Variants in PIWIL2 observed in about 807,000 individuals in gnomAD.
The protein encoded by PIWIL2 is piwi-like protein 2.
Under a neutral mutation model 116.5 loss-of-function variants are expected in PIWIL2, and 81 were observed. The observed-to-expected ratio is 0.70, with a 90% CI of 0.58 to 0.84. The LOEUF is 0.84. PIWIL2 is among the 40% of genes least tolerant of loss of function. The pLI, the probability that PIWIL2 is intolerant of heterozygous loss-of-function variation, is 0.00. For missense variants in PIWIL2, 1,272 were observed against 1,212.3 expected (o/e 1.05, Z -0.73); for synonymous variants, 489 against 429.5 (o/e 1.14, Z -1.71).
At position 22,316,349 on chromosome 8, in the gene PIWIL2, A is replaced by T. The variant is rs773340102; in HGVS notation, c.2297+16A>T. ...GCATCAATCTGTAAGTACTGCTCACAGTGCCATCTTGTTTGATTATTTCAT... is the reference window on the plus strand; with the variant it reads ...GCATCAATCTGTAAGTACTGCTCACTGTGCCATCTTGTTTGATTATTTCAT... On this transcript the variant is annotated intron_variant, in intron 19 of 22. Coordinates refer to ENST00000356766, the MANE Select transcript of PIWIL2 (RefSeq NM_018068.5). 2 of 1,494,722 alleles carry T rather than the reference A, an allele frequency of 1.3e-6. No individual in the cohort carries two copies. The highest frequency in any genetic ancestry group is 4.5e-5 in the East Asian group (2 of 44,366). 92.6% of individuals were successfully genotyped at this position (1,494,722 alleles called of 1,614,324 possible). A position where few individuals can be genotyped will look rare whatever the true frequency, so the allele number is the denominator to read the frequency against.
intron 10 of PIWIL2, among the ~76,000 whole-genome samples, chr8:22,296,418 G>C (rs193041494): frequency 1.4e-4 from 21 of 152,160 alleles, no homozygotes; most frequent in Admixed American, 9.8e-4. Context: ...TTATTCCCTT[G>C]TTTTAGTGTA....
In PIWIL2 at chr8:22,353,070, G is replaced by A. The variant is rs1372158948; in HGVS notation, c.2515G>A (p.Ala839Thr). The change falls in exon 21 of 23, where the codon GCT (alanine) becomes ACT (threonine). Residue 839 changes from alanine to threonine, a missense_variant. Ala to Thr is a moderately conservative substitution (Grantham distance 58). Transcript: ENST00000356766. ...TCCTCAACTACAGAAGTGTTTTGAA[G>A]CTTTTGAGAATTATCAGCCCAAGAT... The part of the protein sequence containing the change: ...EIPQLQKCFE[A>T]FENYQPKMVV... 3 of 1,614,202 alleles carry A rather than the reference G, an allele frequency of 1.9e-6. No individual in the cohort carries two copies. Among genetic ancestry groups the A allele is most frequent in the Admixed American group, 3.3e-5 (2 of 60,016 alleles).
At chr8:22,289,986 C>A in intron 9 of PIWIL2, 59 bp downstream of exon 9, 1 of 1,121,432 alleles carries the variant, frequency 8.9e-7, no homozygotes, top group Non-Finnish European at 1.4e-6. Context: ...GTTTCCATTA[C>A]AACCATTGTA....
chr8:22,341,729 T>G (rs1374018107), intron 20 of PIWIL2, among the ~76,000 whole-genome samples: 4 of 152,108 alleles, frequency 2.6e-5, no homozygotes, highest in Non-Finnish European at 5.9e-5. Flanking sequence ...CTAAGATAGA[T>G]GCTATAAAGA....
intron 16 of PIWIL2, among the ~76,000 whole-genome samples, chr8:22,313,184 T>C (rs1831374078): frequency 6.6e-6 from 1 of 152,238 alleles, no homozygotes; most frequent in Admixed American, 6.5e-5. Flanking sequence ...GCGGCCTTGC[T>C]CTGTCTGTTC....
At chr8:22,321,829 T>C in intron 20 of PIWIL2, 1 of 982,376 alleles carries the variant, frequency 1.0e-6, no homozygotes, top group Non-Finnish European at 1.2e-6. Context: ...CCCATTTTTA[T>C]TAATATCTTC....
At chr8:22,277,563 G>T (rs888550448) in intron 1 of PIWIL2, among the ~76,000 whole-genome samples, 2 of 151,976 alleles carry the variant, frequency 1.3e-5, no homozygotes, top group African/African-American at 4.8e-5. Context: ...GTAGAGACAG[G>T]GTCTCGTTGT....
chr8:22,300,471 T>C (rs1398460879), intron 10 of PIWIL2, among the ~76,000 whole-genome samples: 3 of 152,234 alleles, frequency 2.0e-5, no homozygotes, highest in Non-Finnish European at 2.9e-5. Flanking sequence ...TAAATATTAG[T>C]GTACAAGTCT....
intron 20 of PIWIL2, among the ~76,000 whole-genome samples, chr8:22,342,247 T>A (rs1294920674): frequency 6.6e-6 from 1 of 152,222 alleles, no homozygotes; most frequent in East Asian, 1.9e-4. Context: ...CAAATTTGAT[T>A]GCTAGATTCA....
intron 20 of PIWIL2, among the ~76,000 whole-genome samples, chr8:22,328,776 T>C (rs1422051210): frequency 6.6e-6 from 1 of 151,664 alleles, no homozygotes; most frequent in Admixed American, 6.6e-5. Flanking sequence ...GTGTTGATCA[T>C]GTACCCTGTA....
chr8:22,287,588 C>T lies in PIWIL2; in HGVS notation c.804C>T (p.Thr268=), dbSNP rs763390065. The part of the protein sequence containing the change: ...FGMLKDHQAV[T]GNVTAFDGSI... ...TGTTGAAGGACCATCAAGCTGTCAC[C>T]GGCAACGTCACTGCGTTTGATGGAT... The change falls in exon 7 of 23, where the codon ACC becomes ACT. Residue 268 remains threonine, a synonymous_variant. Coordinates refer to ENST00000356766, the MANE Select transcript of PIWIL2 (RefSeq NM_018068.5). 1.5e-5 allele frequency: 25 copies of T among 1,613,748 alleles called. No homozygotes were observed. The highest frequency in any genetic ancestry group is 1.6e-4 in the Middle Eastern group (1 of 6,084).
chr8:22,288,327 G>T (rs890179952), intron 7 of PIWIL2, among the ~76,000 whole-genome samples: 2 of 148,318 alleles, frequency 1.3e-5, no homozygotes, highest in African/African-American at 2.4e-5. Flanking sequence ...AATTGCAAAT[G>T]TAAACTTGGT....
At chr8:22,330,733 TAAATAAATAAAA>T (rs1831839748) in intron 20 of PIWIL2, among the ~76,000 whole-genome samples, 7 of 137,928 alleles carry the variant, frequency 5.1e-5, no homozygotes, top group Admixed American at 4.8e-4. Context: ...AATAAATAAA[TAAATAAATAAAA>T]ATAGTTGATA....
chr8:22,283,932 C>T lies in PIWIL2; in HGVS notation c.633-230C>T, dbSNP rs988451198. The stretch of plus-strand genomic sequence containing the variant: ...GGGACTAGTTTATTTGGTAATGTTA[C>T]TAGGAAAGGTAGGGTGACCTTGCTT... On this transcript the variant is annotated intron_variant, in intron 5 of 22. Transcript: ENST00000356766. Among the ~76,000 whole-genome samples, 3 of 152,144 alleles carry T rather than the reference C, an allele frequency of 2.0e-5. 1 individual carries two copies. The highest frequency in any genetic ancestry group is 4.4e-5 in the Non-Finnish European group (3 of 68,014).
chr8:22,290,285 C>T lies in PIWIL2; in HGVS notation c.1120C>T (p.Leu374Phe). The change falls in exon 10 of 23, where the codon CTC (leucine) becomes TTC (phenylalanine). Residue 374 changes from leucine (L) to phenylalanine (F), a missense_variant. Physicochemically the swap from Leu to Phe is conservative, Grantham distance 22. Transcript: ENST00000356766. ...TAGCATCCGAAGGACAGATGGAGGG[C>T]TCTTCCTGCTAGCTGATGTCTCCCA... ...AASIRRTDGG[L>F]FLLADVSHKV... 1 of 1,612,692 alleles carries T rather than the reference C, an allele frequency of 6.2e-7. No individual in the cohort carries two copies. The highest frequency in any genetic ancestry group is 8.5e-7 in the Non-Finnish European group (1 of 1,178,766).
rs139081056 is a variant in PIWIL2, at chr8:22,340,130, G to C, written c.2404-12829G>C. ...TGCAATGGTGCAATCTCAGCTCACC[G>C]CAACCTCCGCCTCCCGGGATCAAGT... is the stretch of plus-strand genomic sequence containing the variant. On this transcript the variant is annotated intron_variant, in intron 20 of 22. Coordinates refer to ENST00000356766, the MANE Select transcript of PIWIL2 (RefSeq NM_018068.5). 2.4e-4 allele frequency among the ~76,000 whole-genome samples: 31 copies of C among 128,898 alleles called. No individual in the cohort carries two copies. The South Asian group carries it at 8.1e-3, about 34-fold the overall frequency. The allele number at this position is 128,898 out of a possible 152,430, so 84.6% of individuals were successfully genotyped here. A position where few individuals can be genotyped will look rare whatever the true frequency, so the allele number is the denominator to read the frequency against.
Position 22,292,021 on chromosome 8 carries a change from A to G in PIWIL2, c.1181+1675A>G, listed in dbSNP as rs774284666. 6.5e-4 allele frequency among the ~76,000 whole-genome samples: 99 copies of G among 152,278 alleles called. No individual in the cohort carries two copies. The Middle Eastern group carries it at 0.027, about 42-fold the overall frequency. Reference sequence around the variant, plus strand: ...ATTTGAGCAAACGCTTGAAAGAGGTAAGAGGTTAGCCAGGTGAAGGGAGAA... The same window carrying G: ...ATTTGAGCAAACGCTTGAAAGAGGTGAGAGGTTAGCCAGGTGAAGGGAGAA... On this transcript the variant is annotated intron_variant, in intron 10 of 22. Transcript: ENST00000356766.
chr8:22,315,085 G>A lies in PIWIL2; in HGVS notation c.2148G>A (p.Lys716=). The A allele has an allele frequency of 1.2e-6, 2 of 1,613,782 alleles. No individual in the cohort carries two copies. The highest frequency in any genetic ancestry group is 1.7e-4 in the Middle Eastern group (1 of 6,058). Residue 716 remains lysine, a synonymous_variant, in exon 18 of 23, where the codon AAG becomes AAA. Transcript: ENST00000356766. ...CCAGGCTTCGGAGTGTGGCCCAGAA[G>A]ATTTTACTTCAGATTAACTGTAAAT... ...QPTRLRSVAQ[K]ILLQINCKLG...
At chr8:22,291,114 G>A (rs932820938) in intron 10 of PIWIL2, among the ~76,000 whole-genome samples, 1 of 150,728 alleles carries the variant, frequency 6.6e-6, no homozygotes, top group African/African-American at 2.4e-5. Context: ...AATTATAGGC[G>A]CCCGCCACCA....
Sources: gnomAD v4.1 joint callset for allele counts (sites outside exome capture counted in the v4.1 genomes callset) on GRCh38, gnomAD v4.1.1 for gene constraint, MANE v1.5 for transcripts, NCBI Gene and HGNC (gene_info 2026-07-23, HGNC 2026-07-21) for gene names.